The following MTBP variants were observed in gnomAD, a reference collection of about 807,000 sequenced individuals.
MTBP encodes mdm2-binding protein.
MTBP carries 101 observed loss-of-function variants against 117.0 expected under a neutral mutation model. The ratio of observed to expected loss-of-function variants is 0.86; its 90% CI spans 0.73 to 1.02. The LOEUF is 1.02. Ranked by LOEUF, MTBP falls within the 50% of genes least tolerant of loss-of-function variation. The pLI, the probability that MTBP is intolerant of heterozygous loss-of-function variation, is 0.00. For missense variants in MTBP, 970 were observed against 1,030.9 expected (o/e 0.94, Z 0.81); for synonymous variants, 350 against 351.5 (o/e 1.00, Z 0.05).
intron 11 of MTBP, among the ~76,000 whole-genome samples, chr8:120,481,883 T>C (rs750281987): frequency 1.3e-5 from 2 of 152,234 alleles, no homozygotes; most frequent in Middle Eastern, 3.2e-3. Flanking sequence ...TTTATCTCTC[T>C]AGTTTAATGA....
chr8:120,459,012 G>A (rs1471230155), intron 7 of MTBP, among the ~76,000 whole-genome samples: 1 of 152,078 alleles, frequency 6.6e-6, no homozygotes, highest in Non-Finnish European at 1.5e-5. Context: ...ACCAACGAGA[G>A]CTTTTCATGA....
chr8:120,514,208 T>A (rs1247904394), intron 17 of MTBP, among the ~76,000 whole-genome samples: 1 of 151,992 alleles, frequency 6.6e-6, no homozygotes, highest in African/African-American at 2.4e-5. Context: ...TTACCTCTTG[T>A]TTTGTGTGCC....
At chr8:120,467,295 G>A (rs1299380398) in intron 10 of MTBP, among the ~76,000 whole-genome samples, 3 of 152,108 alleles carry the variant, frequency 2.0e-5, no homozygotes, top group Non-Finnish European at 2.9e-5. Context: ...TGTTGGAGAG[G>A]ACCTACTGAA....
intron 15 of MTBP, among the ~76,000 whole-genome samples, chr8:120,503,475 T>C (rs1814625458): frequency 6.6e-6 from 1 of 152,078 alleles, no homozygotes; most frequent in South Asian, 2.1e-4. Flanking sequence ...AGTACTCACT[T>C]AGATGAGGTG....
At chr8:120,470,171 A>T (rs963940350) in intron 10 of MTBP, among the ~76,000 whole-genome samples, 1 of 152,204 alleles carries the variant, frequency 6.6e-6, no homozygotes, top group Non-Finnish European at 1.5e-5. Context: ...TAAATAGATT[A>T]TGGTGATTTT....
At chr8:120,506,624 TG>T (rs2130607753) in intron 15 of MTBP, 81 bp from the exon 16 acceptor site, 2 of 714,890 alleles carry the variant, frequency 2.8e-6, no homozygotes, top group East Asian at 8.3e-5. Context: ...TTTTCCCGAC[TG>T]TGCTTTTTTT....
At chr8:120,475,904 A>C (rs1813925648) in intron 11 of MTBP, among the ~76,000 whole-genome samples, 1 of 152,046 alleles carries the variant, frequency 6.6e-6, no homozygotes, top group Non-Finnish European at 1.5e-5. Context: ...AAGTAATAAA[A>C]AATTGTATCT....
At chr8:120,473,142 TA>T (rs1363980676) in intron 11 of MTBP, 1 of 152,238 alleles carries the variant, frequency 6.6e-6, no homozygotes, top group Non-Finnish European at 1.5e-5. Flanking sequence ...TGATACAATG[TA>T]AATGCTATGT....
At chr8:120,509,531 G>T (rs141044598) in intron 16 of MTBP, among the ~76,000 whole-genome samples, 2,076 of 152,228 alleles carry the variant, frequency 0.014, 42 homozygotes, top group African/African-American at 0.046. Context: ...GAACCTGGGA[G>T]GCAGAAGTTG....
intron 7 of MTBP, among the ~76,000 whole-genome samples, chr8:120,457,077 G>C (rs1462742487): frequency 6.6e-6 from 1 of 151,996 alleles, no homozygotes; most frequent in East Asian, 1.9e-4. Flanking sequence ...ACTACTTAGA[G>C]CATATTGTCT....
chr8:120,496,498 C>T (rs560417554), intron 13 of MTBP, among the ~76,000 whole-genome samples: 1 of 152,208 alleles, frequency 6.6e-6, no homozygotes, highest in Admixed American at 6.5e-5. Context: ...ACCCCTAACT[C>T]CACCCCTTGC....
At chr8:120,478,138 C>G (rs886846797) in intron 11 of MTBP, among the ~76,000 whole-genome samples, 1 of 152,128 alleles carries the variant, frequency 6.6e-6, no homozygotes, top group African/African-American at 2.4e-5. Flanking sequence ...TCATTCTCAT[C>G]AAACTAACAC....
intron 1 of MTBP, 35 bp from the exon 2 acceptor site, chr8:120,446,398 G>C: frequency 7.8e-7 from 1 of 1,275,574 alleles, no homozygotes; most frequent in East Asian, 2.3e-5. Flanking sequence ...TGTAAATCTA[G>C]AGCCCTTTGA....
At chr8:120,513,964 C>T (rs1166614279) in intron 17 of MTBP, among the ~76,000 whole-genome samples, 1 of 151,930 alleles carries the variant, frequency 6.6e-6, no homozygotes, top group Non-Finnish European at 1.5e-5. Context: ...CTGCCACCAA[C>T]TCACATTCAG....
At chr8:120,454,043 G>A in intron 5 of MTBP, 138 bp downstream of exon 5, 1 of 474,456 alleles carries the variant, frequency 2.1e-6, no homozygotes, top group Non-Finnish European at 3.8e-6. Flanking sequence ...TTTAATTGAA[G>A]TTGATACAGA....
intron 11 of MTBP, among the ~76,000 whole-genome samples, chr8:120,480,720 CT>C (rs1814063668): frequency 6.6e-6 from 1 of 151,910 alleles, no homozygotes; most frequent in Non-Finnish European, 1.5e-5. Flanking sequence ...TAGACTTTTA[CT>C]TTAAATGAAA....
intron 10 of MTBP, among the ~76,000 whole-genome samples, chr8:120,468,035 C>A (rs1563789740): frequency 6.6e-6 from 1 of 152,088 alleles, no homozygotes; most frequent in Admixed American, 6.6e-5. Flanking sequence ...TTTAACCGTA[C>A]AGTCTGGTCA....
intron 11 of MTBP, among the ~76,000 whole-genome samples, chr8:120,481,977 A>C (rs373933161): frequency 4.7e-4 from 71 of 152,312 alleles, no homozygotes; most frequent in African/African-American, 1.7e-3. Context: ...TAGGTCCTTC[A>C]ATCTAAATGC....
rs372780440 is a variant in MTBP at position 120,451,278 on chromosome 8, TGAA to T, written c.390_392del (p.Glu130del). The T allele has an allele frequency of 1.3e-4, 209 of 1,613,354 alleles. 2 individuals are homozygous for T. In the African/African-American group the frequency reaches 2.3e-3, roughly 18 times the overall value. On this transcript the variant is annotated inframe_deletion, in exon 4 of 22. Coordinates refer to ENST00000305949, the MANE Select transcript of MTBP (RefSeq NM_022045.5). The stretch of plus-strand genomic sequence containing the variant: ...AATGTTTGGGTGCTGTTGAGTGTTT[TGAA>T]GAAGAAGACAGTAATAGCAGGGAAT...
Sources: allele counts gnomAD v4.1 joint callset (sites outside exome capture counted in the v4.1 genomes callset), GRCh38; gene constraint gnomAD v4.1.1; transcripts MANE v1.5; gene names NCBI Gene and HGNC (gene_info 2026-07-23, HGNC 2026-07-21).